The following SERGEF variants were observed in gnomAD, a reference collection of about 807,000 sequenced individuals.
The protein encoded by SERGEF is secretion-regulating guanine nucleotide exchange factor.
In SERGEF, 51 loss-of-function variants were observed where a neutral mutation model predicts 50.0. The ratio of observed to expected loss-of-function variants is 1.02; its 90% confidence interval spans 0.81 to 1.29. The LOEUF (loss-of-function observed/expected upper bound fraction) is 1.29, where lower values mean the gene tolerates loss of function less well. Among genes scored for constraint, SERGEF ranks in the 50% most tolerant of loss-of-function variants. The pLI is 0.00. For synonymous variants in SERGEF, 205 were observed against 212.4 expected (o/e 0.97, Z 0.30); for missense variants, 521 against 557.0 (o/e 0.94, Z 0.65).
At chr11:17,990,580 T>C (rs1853692369) in intron 7 of SERGEF, among the ~76,000 whole-genome samples, 1 of 152,192 alleles carries the variant, frequency 6.6e-6, no homozygotes, top group Admixed American at 6.5e-5. Context: ...CTCTAAACCA[T>C]CTTTTTGAAA....
chr11:17,937,270 G>A (rs544037226), intron 9 of SERGEF, among the ~76,000 whole-genome samples: 1 of 152,258 alleles, frequency 6.6e-6, no homozygotes, highest in South Asian at 2.1e-4. Context: ...GGTGGCTCAC[G>A]CCTATAATCC....
chr11:17,960,653 C>T (rs1307929993), intron 8 of SERGEF, among the ~76,000 whole-genome samples: 1 of 152,194 alleles, frequency 6.6e-6, no homozygotes, highest in Non-Finnish European at 1.5e-5. Flanking sequence ...CATCTGGCCC[C>T]ACATTCAACA....
At chr11:17,934,742 T>C (rs1054685046) in intron 9 of SERGEF, among the ~76,000 whole-genome samples, 2 of 152,210 alleles carry the variant, frequency 1.3e-5, no homozygotes, top group African/African-American at 2.4e-5. Flanking sequence ...GAATTTCTAA[T>C]AGAACTATAT....
chr11:17,987,018 T>G (rs1853614414), intron 8 of SERGEF, among the ~76,000 whole-genome samples: 1 of 152,250 alleles, frequency 6.6e-6, no homozygotes, highest in Non-Finnish European at 1.5e-5. Flanking sequence ...CTCTATATTC[T>G]TAGGCTTACA....
At chr11:17,951,890 A>T (rs1057133149) in intron 9 of SERGEF, among the ~76,000 whole-genome samples, 5 of 152,070 alleles carry the variant, frequency 3.3e-5, no homozygotes, top group African/African-American at 1.2e-4. Context: ...TCCTTCTCCC[A>T]TTTCCAGGCA....
intron 10 of SERGEF, among the ~76,000 whole-genome samples, chr11:17,797,924 G>C (rs1849599015): frequency 6.6e-6 from 1 of 152,154 alleles, no homozygotes. Context: ...GAGCCCCCAG[G>C]ACAGTCCCAC....
At chr11:17,815,032 A>T (rs938514451) in intron 10 of SERGEF, among the ~76,000 whole-genome samples, 1 of 152,108 alleles carries the variant, frequency 6.6e-6, no homozygotes, top group Non-Finnish European at 1.5e-5. Flanking sequence ...ATAAAAAATT[A>T]AAAAATTAGC....
At chr11:17,892,749 C>T (rs191501382) in intron 9 of SERGEF, among the ~76,000 whole-genome samples, 62 of 152,276 alleles carry the variant, frequency 4.1e-4, no homozygotes, top group African/African-American at 1.3e-3. Flanking sequence ...GTTGAACAGA[C>T]GGGTTTACTA....
chr11:17,978,370 G>A (rs1853423287), intron 8 of SERGEF, among the ~76,000 whole-genome samples: 1 of 152,196 alleles, frequency 6.6e-6, no homozygotes, highest in African/African-American at 2.4e-5. Context: ...CATCTGTGGG[G>A]TATAGGACTT....
chr11:17,790,132 T>C (rs1269835528), intron 10 of SERGEF, among the ~76,000 whole-genome samples: 1 of 152,232 alleles, frequency 6.6e-6, no homozygotes, highest in East Asian at 1.9e-4. Flanking sequence ...TCAACCCTTC[T>C]CTTAAAAAAA....
At chr11:17,971,166 G>A (rs1322031540) in intron 8 of SERGEF, among the ~76,000 whole-genome samples, 2 of 152,068 alleles carry the variant, frequency 1.3e-5, no homozygotes, top group South Asian at 2.1e-4. Flanking sequence ...TGCACTCCAG[G>A]CTGGGCGACG....
chr11:17,807,256 GA>G (rs1186359073), intron 10 of SERGEF, among the ~76,000 whole-genome samples: 2 of 152,174 alleles, frequency 1.3e-5, no homozygotes, highest in Non-Finnish European at 2.9e-5. Context: ...CCAAGGTTCG[GA>G]ATGCTTTATC....
intron 10 of SERGEF, among the ~76,000 whole-genome samples, chr11:17,835,341 C>T (rs1031041494): frequency 2.6e-5 from 4 of 152,278 alleles, no homozygotes; most frequent in Admixed American, 2.6e-4. Flanking sequence ...AGAGCACAAT[C>T]CACAGAGCAC....
chr11:18,006,555 T>C (rs1469747187), intron 3 of SERGEF, 36 bp downstream of exon 3: 9 of 1,599,334 alleles, frequency 5.6e-6, no homozygotes, highest in African/African-American at 5.4e-5. Flanking sequence ...CCCAAAGCCT[T>C]TGTGGTGACA....
rs115494552 is a variant in SERGEF at position 17,797,513 on chromosome 11, A to G, written c.1049-9100T>C. ...GAGAGGCCTTCCCTGACAACTTTAT[A>G]TGAAATAGCAGTCTACCCCTACTCC... On this transcript the variant is annotated intron_variant, in intron 10 of 10. Coordinates refer to ENST00000265965, the MANE Select transcript of SERGEF (RefSeq NM_012139.4). 2.2e-3 allele frequency among the ~76,000 whole-genome samples: 342 copies of G among 152,268 alleles called. 1 individual carries two copies. Among genetic ancestry groups the G allele is most frequent in the African/African-American group, 7.6e-3 (315 of 41,546 alleles).
At chr11:17,856,271 C>G (rs955463964) in intron 10 of SERGEF, 13 of 152,668 alleles carry the variant, frequency 8.5e-5, no homozygotes, top group African/African-American at 3.1e-4. Context: ...TGCAAGCTGA[C>G]TCAGTCAATA....
chr11:17,964,256 C>T (rs1853073039), intron 8 of SERGEF, among the ~76,000 whole-genome samples: 2 of 151,848 alleles, frequency 1.3e-5, no homozygotes, highest in Admixed American at 1.3e-4. Context: ...AGGAGAAAGA[C>T]TACTAGATGC....
chr11:17,827,784 G>C (rs1850226643), intron 10 of SERGEF, among the ~76,000 whole-genome samples: 1 of 152,206 alleles, frequency 6.6e-6, no homozygotes, highest in Non-Finnish European at 1.5e-5. Context: ...TTTCTGCAAT[G>C]CTGGCTATTG....
intron 5 of SERGEF, chr11:17,999,677 TC>T: frequency 2.4e-6 from 1 of 410,550 alleles, no homozygotes; most frequent in Non-Finnish European, 4.8e-6. Context: ...ACACAGACTG[TC>T]AGTCCCATCA....
Sources: allele counts gnomAD v4.1 joint callset (sites outside exome capture counted in the v4.1 genomes callset), GRCh38; gene constraint gnomAD v4.1.1; transcripts MANE v1.5; gene names NCBI Gene and HGNC (gene_info 2026-07-23, HGNC 2026-07-21).